PXDNL: variants seen among roughly 807,000 people sequenced by gnomAD.
PXDNL encodes the protein peroxidasin like, also known as probable oxidoreductase PXDNL.
PXDNL carries 145 observed loss-of-function variants against 150.8 expected under a neutral mutation model. The observed-to-expected ratio is 0.96, with a 90% CI of 0.84 to 1.10. The LOEUF (loss-of-function observed/expected upper bound fraction) is 1.10, where lower values mean the gene tolerates loss of function less well. Among genes scored for constraint, PXDNL ranks in the 50% least tolerant of loss-of-function variants. The pLI is 0.00. For synonymous variants in PXDNL, 757 were observed against 725.7 expected, an observed-to-expected ratio of 1.04 and a Z score of -0.69; for missense variants, 2,087 against 1,873.9, an observed-to-expected ratio of 1.11 and a Z score of -2.10.
intron 1 of PXDNL, among the ~76,000 whole-genome samples, chr8:51,682,645 C>A (rs1340544926): frequency 1.3e-5 from 2 of 152,120 alleles, no homozygotes; most frequent in Non-Finnish European, 2.9e-5. Flanking sequence ...TTTGTTAACC[C>A]AAATAGTCTG....
Position 51,809,368 on chromosome 8 carries a change from CGAA to C in PXDNL, c.-27_-25del, listed in dbSNP as rs1441843348. The C allele has an allele frequency of 2.0e-6, 3 of 1,509,890 alleles. No individual in the cohort carries two copies. The highest frequency in any genetic ancestry group is 8.9e-7 in the Non-Finnish European group (1 of 1,129,494). 93.5% of individuals were successfully genotyped at this position (1,509,890 alleles called of 1,614,324 possible). A position where few individuals can be genotyped will look rare whatever the true frequency, so the allele number is the denominator to read the frequency against. Reference sequence around the variant, plus strand: ...ATCGCTCCATTCGCTGCTGGCCACGCGAAGAAGCAGCCGGAGGGAGAGCAGCAG... The same window carrying C: ...ATCGCTCCATTCGCTGCTGGCCACGCGAAGCAGCCGGAGGGAGAGCAGCAG... On this transcript the variant is annotated 5_prime_UTR_variant, in exon 1 of 23. Transcript: ENST00000356297.
At chr8:51,607,821 C>G (rs1813869554) in intron 2 of PXDNL, among the ~76,000 whole-genome samples, 1 of 117,254 alleles carries the variant, frequency 8.5e-6, no homozygotes, top group South Asian at 2.7e-4. Context: ...ATTTGAGCAA[C>G]AGAGTGAGAC....
At chr8:51,442,612 A>C (rs558716703) in intron 12 of PXDNL, among the ~76,000 whole-genome samples, 1 of 152,118 alleles carries the variant, frequency 6.6e-6, no homozygotes, top group East Asian at 1.9e-4. Flanking sequence ...GTAGCTATGG[A>C]AATACTCATG....
At chr8:51,727,084 A>G (rs1330247513) in intron 1 of PXDNL, among the ~76,000 whole-genome samples, 7 of 152,236 alleles carry the variant, frequency 4.6e-5, no homozygotes, top group Non-Finnish European at 8.8e-5. Flanking sequence ...GATGACACCA[A>G]TATAATACAA....
At position 51,409,286 on chromosome 8, in the gene PXDNL, G is replaced by T; in HGVS notation, c.2338C>A (p.Pro780Thr). Residue 780 changes from proline (P) to threonine (T), a missense_variant, in exon 17 of 23, where the codon CCC becomes ACC. Physicochemically the swap from Pro to Thr is conservative, Grantham distance 38 (BLOSUM62 -1). Coordinates refer to ENST00000356297, the MANE Select transcript of PXDNL (RefSeq NM_144651.5). ...GCCCACACTGTGGCGACCAGCCGGG[G>T]CGGCGGGAGGGGCTGGCGGGAGCCC... is the stretch of plus-strand genomic sequence containing the variant. ...PVGSRQPLPPPRLVATVWARA... is the reference protein window; with the variant it reads ...PVGSRQPLPPTRLVATVWARA... The T allele has an allele frequency of 2.1e-6, 3 of 1,423,516 alleles. No individual in the cohort carries two copies. Among genetic ancestry groups the T allele is most frequent in the Non-Finnish European group, 2.7e-6 (3 of 1,095,754 alleles). The allele number at this position is 1,423,516 out of a possible 1,614,324, so 88.2% of individuals were successfully genotyped here. A position where few individuals can be genotyped will look rare whatever the true frequency, so the allele number is the denominator to read the frequency against.
At chr8:51,736,757 T>G (rs1817047427) in intron 1 of PXDNL, among the ~76,000 whole-genome samples, 2 of 152,180 alleles carry the variant, frequency 1.3e-5, no homozygotes, top group South Asian at 4.1e-4. Context: ...AAAGAATAAA[T>G]GATAAGTTCA....
At chr8:51,374,812 G>T in intron 17 of PXDNL, 81 bp from the exon 18 acceptor site, 1 of 1,466,750 alleles carries the variant, frequency 6.8e-7, no homozygotes, top group Non-Finnish European at 9.3e-7. Context: ...TGACCACCAA[G>T]CATTATTTTA....
intron 8 of PXDNL, among the ~76,000 whole-genome samples, chr8:51,471,364 A>G (rs1810328889): frequency 6.6e-6 from 1 of 152,196 alleles, no homozygotes; most frequent in African/African-American, 2.4e-5. Flanking sequence ...TTATGCTCAC[A>G]GGTTTTTGGA....
chr8:51,323,196 T>C (rs557585777), intron 21 of PXDNL, among the ~76,000 whole-genome samples: 2 of 152,212 alleles, frequency 1.3e-5, no homozygotes, highest in Non-Finnish European at 2.9e-5. Context: ...TTCTAAACTT[T>C]AGGCACTTAG....
At chr8:51,347,007 A>G (rs1394656608) in intron 19 of PXDNL, among the ~76,000 whole-genome samples, 2 of 152,224 alleles carry the variant, frequency 1.3e-5, no homozygotes, top group Non-Finnish European at 2.9e-5. Context: ...TGACGTAGGA[A>G]TCAACATTCT....
intron 17 of PXDNL, among the ~76,000 whole-genome samples, chr8:51,406,795 A>T (rs1357393845): frequency 1.3e-5 from 2 of 152,136 alleles, no homozygotes; most frequent in Admixed American, 6.5e-5. Flanking sequence ...GCTCCCCCGC[A>T]CGCTGTCAGG....
chr8:51,756,384 C>A, intron 1 of PXDNL, among the ~76,000 whole-genome samples: 1 of 146,000 alleles, frequency 6.8e-6, no homozygotes, highest in Non-Finnish European at 1.5e-5. Context: ...ACAGTGAGAC[C>A]CCATCACAGA....
At position 51,668,457 on chromosome 8, in the gene PXDNL, G is replaced by C. The variant is rs182467918; in HGVS notation, c.165-13697C>G. 1.0e-3 allele frequency among the ~76,000 whole-genome samples: 154 copies of C among 152,200 alleles called. 1 individual carries two copies. Among genetic ancestry groups the C allele is most frequent in the African/African-American group, 3.4e-3 (143 of 41,520 alleles). ...CCCAAAGTCCTGGGATTACAAGAGT[G>C]AGCCACCATGCCTGGCCACCAGGCT... is the stretch of plus-strand genomic sequence containing the variant. On this transcript the variant is annotated intron_variant, in intron 1 of 22. Transcript: ENST00000356297.
At chr8:51,505,504 C>T (rs186382711) in intron 4 of PXDNL, among the ~76,000 whole-genome samples, 45 of 152,282 alleles carry the variant, frequency 3.0e-4, no homozygotes, top group Non-Finnish European at 5.9e-4. Flanking sequence ...ATAGCATATA[C>T]GGTCAATGTT....
intron 1 of PXDNL, among the ~76,000 whole-genome samples, chr8:51,668,395 G>A (rs574228148): frequency 9.2e-4 from 140 of 151,834 alleles, no homozygotes; most frequent in African/African-American, 3.1e-3. Context: ...GGCTGGTCTC[G>A]AACCCCTGAC....
chr8:51,409,083 GGT>G lies in PXDNL; in HGVS notation c.2539_2540del (p.Thr847ProfsTer173), dbSNP rs766616690. On this transcript the variant is annotated frameshift_variant, in exon 17 of 23. Transcript: ENST00000356297. LOFTEE classifies it high-confidence loss of function. ...GGGTGCCCCGGGGGTCGGCGTGCCGGGTGTTCATGGGGAAACAAGGAGGGTCG... is the reference window on the plus strand; with the variant it reads ...GGGTGCCCCGGGGGTCGGCGTGCCGGGTTCATGGGGAAACAAGGAGGGTCG... ...TNDPPCFPMN[T>X]RHADPRGTHA... 8 of 1,609,390 alleles carry G rather than the reference GGT, an allele frequency of 5.0e-6. No individual in the cohort carries two copies. The highest frequency in any genetic ancestry group is 6.8e-6 in the Non-Finnish European group (8 of 1,179,476).
intron 4 of PXDNL, among the ~76,000 whole-genome samples, chr8:51,529,418 A>G (rs747629303): frequency 2.6e-5 from 4 of 152,156 alleles, no homozygotes; most frequent in Non-Finnish European, 4.4e-5. Flanking sequence ...CCCACAGGTT[A>G]TTACTCCTGA....
chr8:51,354,808 A>G (rs1365673272), intron 19 of PXDNL, among the ~76,000 whole-genome samples: 1 of 152,114 alleles, frequency 6.6e-6, no homozygotes, highest in Non-Finnish European at 1.5e-5. Context: ...TATTTGGAAG[A>G]TAACTTATCC....
chr8:51,490,831 T>C (rs1032668870), intron 5 of PXDNL, among the ~76,000 whole-genome samples: 1 of 151,116 alleles, frequency 6.6e-6, no homozygotes, highest in Non-Finnish European at 1.5e-5. Flanking sequence ...TCTCCTACAG[T>C]TGAAAATGAA....
Sources: gnomAD v4.1 joint callset for allele counts (sites outside exome capture counted in the v4.1 genomes callset) on GRCh38, gnomAD v4.1.1 for gene constraint, MANE v1.5 for transcripts, NCBI Gene and HGNC (gene_info 2026-07-23, HGNC 2026-07-21) for gene names.